TCF7L1: variants seen among roughly 807,000 people sequenced by gnomAD.
The protein encoded by TCF7L1 is transcription factor 7-like 1.
In TCF7L1, 18 loss-of-function variants were observed where a neutral mutation model predicts 63.7. The observed-to-expected ratio is 0.28, with a 90% confidence interval of 0.20 to 0.42. TCF7L1 has a LOEUF of 0.42. Ranked by LOEUF, TCF7L1 falls within the 10% of genes least tolerant of loss-of-function variation. The probability of loss-of-function intolerance (pLI) is 1.00; values close to 1 mark genes in which losing one functional copy is unlikely to be tolerated. For missense variants in TCF7L1, 654 were observed against 779.3 expected (o/e 0.84, Z 1.91); for synonymous variants, 355 against 340.9 (o/e 1.04, Z -0.46).
At chr2:85,241,437 G>GTTT (rs772334481) in intron 3 of TCF7L1, among the ~76,000 whole-genome samples, 20 of 83,028 alleles carry the variant, frequency 2.4e-4, no homozygotes, top group East Asian at 4.6e-4. Context: ...CTTTGTTTTT[G>GTTT]TTTTTTTTTT....
rs1170435213 is a variant in TCF7L1, at chr2:85,297,425, G to A, written c.526-5059G>A. On this transcript the variant is annotated intron_variant, in intron 4 of 11. Transcript: ENST00000282111. The stretch of plus-strand genomic sequence containing the variant: ...GCTGCAGCCCACTGGCCTGCCGTGG[G>A]TCCTCACACGTGCTATGCCAGGCAT... Among the ~76,000 whole-genome samples the A allele has an allele frequency of 3.3e-5, 5 of 152,156 alleles. No individual in the cohort carries two copies. The East Asian group carries it at 5.8e-4, about 18-fold the overall frequency.
chr2:85,277,900 A>G (rs1394228927), intron 3 of TCF7L1, among the ~76,000 whole-genome samples: 1 of 152,108 alleles, frequency 6.6e-6, no homozygotes, highest in East Asian at 1.9e-4. Context: ...TGTCCACACT[A>G]AGCAAGTGTG....
At chr2:85,293,376 C>A (rs545141105) in intron 4 of TCF7L1, among the ~76,000 whole-genome samples, 1 of 152,160 alleles carries the variant, frequency 6.6e-6, no homozygotes, top group Non-Finnish European at 1.5e-5. Context: ...GACCTCCCCC[C>A]ACTCTTTCTG....
intron 3 of TCF7L1, among the ~76,000 whole-genome samples, chr2:85,277,464 C>T (rs758547579): frequency 3.9e-5 from 6 of 152,116 alleles, no homozygotes; most frequent in East Asian, 3.9e-4. Flanking sequence ...TTACATCTCC[C>T]GAAAAGCCTG....
chr2:85,186,230 G>A (rs1572982032), intron 3 of TCF7L1, among the ~76,000 whole-genome samples: 1 of 152,282 alleles, frequency 6.6e-6, no homozygotes, highest in East Asian at 1.9e-4. Flanking sequence ...GCCTCCCAGA[G>A]TGCTGGGATT....
intron 3 of TCF7L1, among the ~76,000 whole-genome samples, chr2:85,190,024 C>A (rs187151238): frequency 6.6e-6 from 1 of 152,318 alleles, no homozygotes; most frequent in Admixed American, 6.5e-5. Context: ...TAGGGCTTAT[C>A]TTTGGTCCTG....
intron 3 of TCF7L1, among the ~76,000 whole-genome samples, chr2:85,135,959 G>T (rs1677584730): frequency 6.6e-6 from 1 of 151,920 alleles, no homozygotes; most frequent in Non-Finnish European, 1.5e-5. Context: ...GAGCTGCTGC[G>T]GTCTTATTTA....
chr2:85,134,314 T>G lies in TCF7L1; in HGVS notation c.314-9T>G. 6.3e-7 allele frequency: 1 copy of G among 1,579,492 alleles called. No homozygotes were observed. ...CCTGGGCCTCACCTCGCCTTGGTCT[T>G]GTTCGCAGTGAGAAGGCCTCAGGAC... On this transcript the variant is annotated splice_polypyrimidine_tract_variant and intron_variant, in intron 2 of 11. Transcript: ENST00000282111. The surrounding 1 kb of genome is among the most constrained non-coding windows in gnomAD (Gnocchi z 5.0).
intron 3 of TCF7L1, among the ~76,000 whole-genome samples, chr2:85,260,431 G>A (rs1025986968): frequency 1.3e-5 from 2 of 151,998 alleles, no homozygotes; most frequent in East Asian, 3.9e-4. Context: ...GAGCCCAGGA[G>A]TTCGAGACCA....
At position 85,241,581 on chromosome 2, in the gene TCF7L1, G is replaced by A. The variant is rs1394373995; in HGVS notation, c.442-41914G>A. ...CCTGCCTTAGCCTCCTGACAGCTAG[G>A]ATTACAGGTGCCCGCCACCATGCCC... On this transcript the variant is annotated intron_variant, in intron 3 of 11. Transcript: ENST00000282111. Among the ~76,000 whole-genome samples, 4 of 151,404 alleles carry A rather than the reference G, an allele frequency of 2.6e-5. No homozygotes were observed. In the East Asian group the frequency reaches 7.8e-4, roughly 29 times the overall value.
intron 3 of TCF7L1, among the ~76,000 whole-genome samples, chr2:85,174,568 G>C (rs1015665309): frequency 2.6e-5 from 4 of 152,114 alleles, no homozygotes; most frequent in African/African-American, 9.7e-5. Flanking sequence ...CCAAAAATGG[G>C]CCTTCCCCCA....
At chr2:85,144,294 T>C (rs946966134) in intron 3 of TCF7L1, among the ~76,000 whole-genome samples, 9 of 151,898 alleles carry the variant, frequency 5.9e-5, no homozygotes, top group East Asian at 3.9e-4. Context: ...AGGAAATACA[T>C]ACTAGGCTGC....
Position 85,307,710 on chromosome 2 carries a change from G to A in TCF7L1, c.1326G>A (p.Glu442=). The change falls in exon 11 of 12, where the codon GAG becomes GAA. Residue 442 remains glutamate, a synonymous_variant. Coordinates refer to ENST00000282111, the MANE Select transcript of TCF7L1 (RefSeq NM_031283.3). ...CACAGTCACAGCAGCAAGTCCAGGA[G>A]GCAGAGGGTGCGTCTCGGGGCACTG... The part of the protein sequence containing the change: ...SQTQSQQQVQ[E]AEGALASKSK... The A allele has an allele frequency of 6.2e-7, 1 of 1,613,580 alleles. No individual in the cohort carries two copies. The highest frequency in any genetic ancestry group is 1.1e-5 in the South Asian group (1 of 91,066).
intron 3 of TCF7L1, among the ~76,000 whole-genome samples, chr2:85,188,728 G>A (rs1678984147): frequency 6.6e-6 from 1 of 152,106 alleles, no homozygotes; most frequent in Non-Finnish European, 1.5e-5. Flanking sequence ...TAAAATAAAT[G>A]TAAACAAAAG....
At chr2:85,214,731 C>G (rs1340474583) in intron 3 of TCF7L1, among the ~76,000 whole-genome samples, 1 of 152,130 alleles carries the variant, frequency 6.6e-6, no homozygotes, top group East Asian at 1.9e-4. Flanking sequence ...GGGAATCGCT[C>G]TGAACCTATT....
chr2:85,279,679 T>A (rs1681365053), intron 3 of TCF7L1, among the ~76,000 whole-genome samples: 1 of 152,020 alleles, frequency 6.6e-6, no homozygotes, highest in Admixed American at 6.6e-5. Flanking sequence ...GTCACTCATC[T>A]CCAAAACTTA....
chr2:85,229,279 G>A (rs1573000769), intron 3 of TCF7L1, among the ~76,000 whole-genome samples: 2 of 152,134 alleles, frequency 1.3e-5, no homozygotes, highest in Admixed American at 6.5e-5. Context: ...CCCGGGAGGC[G>A]GAGCTTGCAG....
At position 85,214,137 on chromosome 2, in the gene TCF7L1, G is replaced by T. The variant is rs568632068; in HGVS notation, c.442-69358G>T. ...CAGCCTGTGTCATCCTCCCCCTCCC[G>T]TGAAGAGCCACAGCCACATCCTCCA... On this transcript the variant is annotated intron_variant, in intron 3 of 11. Coordinates refer to ENST00000282111, the MANE Select transcript of TCF7L1 (RefSeq NM_031283.3). Among the ~76,000 whole-genome samples, 87 of 152,278 alleles carry T rather than the reference G, an allele frequency of 5.7e-4. No individual in the cohort carries two copies. In the East Asian group the frequency reaches 0.011, roughly 20 times the overall value.
chr2:85,254,519 T>G (rs1350339879), intron 3 of TCF7L1, among the ~76,000 whole-genome samples: 1 of 152,232 alleles, frequency 6.6e-6, no homozygotes, highest in African/African-American at 2.4e-5. Flanking sequence ...TAATCTGTAC[T>G]GTCTGTAAAA....
Sources: gnomAD v4.1 joint callset for allele counts (sites outside exome capture counted in the v4.1 genomes callset) on GRCh38, gnomAD v4.1.1 for gene constraint, Gnocchi (gnomAD v3.1) non-coding constraint, MANE v1.5 for transcripts, NCBI Gene and HGNC (gene_info 2026-07-23, HGNC 2026-07-21) for gene names.